The following HMCN1 variants were observed in gnomAD, a reference collection of about 807,000 sequenced individuals.
The protein encoded by HMCN1 is hemicentin 1, also known as hemicentin-1.
Under a neutral mutation model 625.9 loss-of-function variants are expected in HMCN1, and 321 were observed. The observed-to-expected ratio is 0.51, with a 90% CI of 0.47 to 0.56. The LOEUF is 0.56. HMCN1 is among the 20% of genes least tolerant of loss of function. The probability of loss-of-function intolerance (pLI) is 0.00; values close to 1 mark genes in which losing one functional copy is unlikely to be tolerated. For missense variants in HMCN1, 6,588 were observed against 6,887.3 expected (o/e 0.96, Z 1.54); for synonymous variants, 2,425 against 2,417.6 (o/e 1.00, Z -0.09).
intron 32 of HMCN1, 70 bp downstream of exon 32, chr1:186,016,309 T>C (rs1355647186): frequency 7.0e-7 from 1 of 1,431,372 alleles, no homozygotes; most frequent in East Asian, 2.3e-5. Flanking sequence ...TAAATACTTT[T>C]TTGTTCATGC....
chr1:185,952,203 G>A (rs1344086402), intron 11 of HMCN1, among the ~76,000 whole-genome samples: 18 of 151,562 alleles, frequency 1.2e-4, no homozygotes, highest in African/African-American at 3.9e-4. Flanking sequence ...CCTTTTTAAG[G>A]GTAAATTGCT....
At chr1:185,899,047 T>A (rs1558050845) in intron 4 of HMCN1, among the ~76,000 whole-genome samples, 1 of 152,076 alleles carries the variant, frequency 6.6e-6, no homozygotes, top group Non-Finnish European at 1.5e-5. Context: ...CTTCCAAGTC[T>A]CTAAAAAGGG....
Position 186,103,648 on chromosome 1 carries a change from C to T in HMCN1, c.10750C>T (p.Leu3584Phe), listed in dbSNP as rs779201834. The stretch of plus-strand genomic sequence containing the variant: ...GCAAACTCTAGGAGGAGGAGAGGTT[C>T]TTCGAATTTCTACTGCTCAGGTAAG... ...QVQTLGGGEV[L>F]RISTAQVEDT... The change falls in exon 69 of 107, where the codon CTT becomes TTT. Residue 3584 changes from leucine to phenylalanine, a missense_variant. Leu to Phe is a conservative substitution (Grantham distance 22). This residue lies in a region of HMCN1 where 4,628 missense variants were observed against 4,853.1 expected (regional missense o/e 0.95). Transcript: ENST00000271588. 1 of 1,613,668 alleles carries T rather than the reference C, an allele frequency of 6.2e-7. No individual in the cohort carries two copies. The highest frequency in any genetic ancestry group is 1.1e-5 in the South Asian group (1 of 91,070).
chr1:185,865,195 C>G (rs1056610914), intron 3 of HMCN1, among the ~76,000 whole-genome samples: 4 of 152,120 alleles, frequency 2.6e-5, no homozygotes, highest in Non-Finnish European at 5.9e-5. Flanking sequence ...TTTTTGAGAC[C>G]AGTAAGTTGG....
At chr1:185,982,130 T>G (rs1651683411) in intron 17 of HMCN1, 132 bp from the exon 18 acceptor site, 1 of 878,872 alleles carries the variant, frequency 1.1e-6, no homozygotes, top group Non-Finnish European at 1.9e-6. Flanking sequence ...ATACCCATTT[T>G]CATGTAAATA....
At position 186,152,730 on chromosome 1, in the gene HMCN1, G is replaced by GC; in HGVS notation, c.14897-20_14897-19insC. The GC allele has an allele frequency of 6.2e-7, 1 of 1,613,340 alleles. No homozygotes were observed. Among genetic ancestry groups the GC allele is most frequent in the Non-Finnish European group, 8.5e-7 (1 of 1,179,414 alleles). The stretch of plus-strand genomic sequence containing the variant: ...AACCATATTTTTTTGCTGTCAAAAT[G>GC]AATGTCTTGTAATTCCCAGGAGAAA... On this transcript the variant is annotated intron_variant, in intron 95 of 106. Transcript: ENST00000271588.
In HMCN1 at chr1:186,152,792, C is replaced by T; in HGVS notation, c.14939C>T (p.Ser4980Phe). 6.2e-7 allele frequency: 1 copy of T among 1,614,038 alleles called. No individual in the cohort carries two copies. The highest frequency in any genetic ancestry group is 8.5e-7 in the Non-Finnish European group (1 of 1,179,918). Residue 4980 changes from serine to phenylalanine, a missense_variant, in exon 96 of 107, where the codon TCC becomes TTC. Physicochemically the swap from Ser to Phe is radical, Grantham distance 155. This residue lies in a region of HMCN1 where 1,954 missense variants were observed against 2,013.1 expected (regional missense o/e 0.97). Transcript: ENST00000271588. ...QMSHIARGLD[S>F]DGSLLLDIVV... The stretch of plus-strand genomic sequence containing the variant: ...AGTCATATTGCCCGGGGCTTGGATT[C>T]CGATGGTTCTTTGCTGCTAGATATC...
intron 14 of HMCN1, 44 bp from the exon 15 acceptor site, chr1:185,970,291 T>C: frequency 6.4e-7 from 1 of 1,563,268 alleles, no homozygotes; most frequent in Non-Finnish European, 8.8e-7. Context: ...ATAAACAATT[T>C]TAATACTTTA....
At chr1:186,095,645 T>A in intron 68 of HMCN1, 124 bp downstream of exon 68, 1 of 953,806 alleles carries the variant, frequency 1.0e-6, no homozygotes, top group Non-Finnish European at 1.5e-6. Flanking sequence ...TTTTATTGCA[T>A]TTTAATTTTT....
At chr1:186,163,210 C>T (rs1651635409) in intron 97 of HMCN1, among the ~76,000 whole-genome samples, 1 of 152,224 alleles carries the variant, frequency 6.6e-6, no homozygotes, top group Admixed American at 6.5e-5. Context: ...ACCCTCTGAG[C>T]CAGGTGCAGG....
At chr1:185,873,477 G>A (rs926312560) in intron 4 of HMCN1, among the ~76,000 whole-genome samples, 1 of 152,064 alleles carries the variant, frequency 6.6e-6, no homozygotes, top group Non-Finnish European at 1.5e-5. Flanking sequence ...ATCTCTTGAA[G>A]TTTACCCATT....
intron 4 of HMCN1, among the ~76,000 whole-genome samples, chr1:185,873,280 T>A (rs540132606): frequency 6.6e-6 from 1 of 152,266 alleles, no homozygotes; most frequent in African/African-American, 2.4e-5. Context: ...TGTGTCAACC[T>A]CAAAGTCTTT....
rs1432946574 is a variant in HMCN1 at position 185,864,338 on chromosome 1, C to T, written c.340-132C>T. 1.1e-5 allele frequency: 9 copies of T among 810,278 alleles called. No homozygotes were observed. The African/African-American group carries it at 1.5e-4, about 14-fold the overall frequency. 50.2% of individuals were successfully genotyped at this position (810,278 alleles called of 1,614,324 possible). A position where few individuals can be genotyped will look rare whatever the true frequency, so the allele number is the denominator to read the frequency against. On this transcript the variant is annotated intron_variant, in intron 2 of 106. Coordinates refer to ENST00000271588, the MANE Select transcript of HMCN1 (RefSeq NM_031935.3). ...TACATATCTTCCATCCCTTCTTGAA[C>T]AAAGTGTCAAACTGACAGAAAATAA... is the stretch of plus-strand genomic sequence containing the variant.
At chr1:186,093,444 A>C (rs1267460245) in intron 65 of HMCN1, 42 bp from the exon 66 acceptor site, 1 of 1,601,782 alleles carries the variant, frequency 6.2e-7, no homozygotes, top group Non-Finnish European at 8.5e-7. Context: ...GTATTACATA[A>C]TACATCCCTC....
In HMCN1 at chr1:186,112,834, T is replaced by C. The variant is rs779504418; in HGVS notation, c.11012T>C (p.Leu3671Pro). 11 of 1,614,094 alleles carry C rather than the reference T, an allele frequency of 6.8e-6. No individual in the cohort carries two copies. Among genetic ancestry groups the C allele is most frequent in the African/African-American group, 4.0e-5 (3 of 74,946 alleles). The change falls in exon 72 of 107, where the codon CTA becomes CCA. Residue 3671 changes from leucine to proline, a missense_variant. Physicochemically the swap from Leu to Pro is moderately conservative, Grantham distance 98 (BLOSUM62 -3). Transcript: ENST00000271588. ...CAGGCAACACCTCGAGTGCGAATCC[T>C]ATCTGGAGGGAGATACTTGCAAATC... is the stretch of plus-strand genomic sequence containing the variant. The part of the protein sequence containing the change: ...RLQATPRVRI[L>P]SGGRYLQINN...
intron 4 of HMCN1, among the ~76,000 whole-genome samples, chr1:185,903,343 A>G (rs1345095201): frequency 2.0e-5 from 3 of 151,798 alleles, no homozygotes; most frequent in East Asian, 1.9e-4. Flanking sequence ...AATCCCCTCT[A>G]GAGTCCCCAC....
chr1:185,978,295 T>G (rs1472311953), intron 16 of HMCN1: 1 of 278,008 alleles, frequency 3.6e-6, no homozygotes, highest in Non-Finnish European at 6.8e-6. Flanking sequence ...CACATTACCT[T>G]GATTCTTGTA....
At chr1:185,830,181 C>T (rs1660770577) in intron 1 of HMCN1, among the ~76,000 whole-genome samples, 1 of 150,958 alleles carries the variant, frequency 6.6e-6, no homozygotes, top group African/African-American at 2.4e-5. Context: ...CAAAAATTTT[C>T]TCTCATTCTG....
At chr1:186,171,908 T>C in intron 101 of HMCN1, 98 bp from the exon 102 acceptor site, 1 of 1,049,834 alleles carries the variant, frequency 9.5e-7, no homozygotes, top group South Asian at 1.4e-5. Flanking sequence ...AATGAATGTA[T>C]ATATAAATAA....
Sources: gnomAD v4.1 joint callset for allele counts (sites outside exome capture counted in the v4.1 genomes callset) on GRCh38, gnomAD v4.1.1 for gene constraint, gnomAD v4.1.1 regional missense constraint, MANE v1.5 for transcripts, NCBI Gene and HGNC (gene_info 2026-07-23, HGNC 2026-07-21) for gene names.